NDEL1: variants seen among roughly 807,000 people sequenced by gnomAD.
NDEL1 encodes nuclear distribution protein nudE-like 1.
A neutral mutation model predicts 45.7 loss-of-function variants in NDEL1; 9 were observed. The observed-to-expected ratio is 0.20, with a 90% CI of 0.12 to 0.34. NDEL1 has a LOEUF of 0.34. Among genes scored for constraint, NDEL1 ranks in the 10% least tolerant of loss-of-function variants. The pLI is 1.00. For synonymous variants in NDEL1, 133 were observed against 158.6 expected (o/e 0.84, Z 1.21); for missense variants, 306 against 406.2 (o/e 0.75, Z 2.12).
chr17:8,464,807 C>T (rs1911468029), intron 8 of NDEL1: 1 of 152,532 alleles, frequency 6.6e-6, no homozygotes, highest in African/African-American at 2.4e-5. Flanking sequence ...CAGTGGCTCA[C>T]TAGGTGAGCC....
chr17:8,454,202 T>G (rs768369399), intron 6 of NDEL1, among the ~76,000 whole-genome samples: 2 of 152,124 alleles, frequency 1.3e-5, no homozygotes, highest in African/African-American at 2.4e-5. Context: ...CGCTGAGAGA[T>G]AGAACATCTA....
chr17:8,444,141 G>T, intron 1 of NDEL1, 119 bp from the exon 2 acceptor site: 1 of 638,498 alleles, frequency 1.6e-6, no homozygotes, highest in East Asian at 2.8e-5. Context: ...TTAACCACTG[G>T]AATCTCTCAT....
intron 8 of NDEL1, chr17:8,464,780 G>A (rs2151742705): frequency 6.6e-6 from 1 of 152,568 alleles, no homozygotes; most frequent in South Asian, 2.1e-4. Context: ...AGGCAGCTGT[G>A]GCCCCGACTT....
intron 5 of NDEL1, among the ~76,000 whole-genome samples, chr17:8,450,238 G>A (rs923645478): frequency 2.0e-5 from 3 of 149,882 alleles, no homozygotes; most frequent in African/African-American, 4.9e-5. Flanking sequence ...GCAGTGAGCC[G>A]AGATTGCGTC....
intron 5 of NDEL1, among the ~76,000 whole-genome samples, chr17:8,449,689 T>C (rs1910343592): frequency 6.6e-6 from 1 of 152,238 alleles, no homozygotes; most frequent in Admixed American, 6.5e-5. Context: ...CCTCAAGGTT[T>C]ATCCATGTGT....
intron 1 of NDEL1, among the ~76,000 whole-genome samples, chr17:8,420,268 G>A (rs1030057818): frequency 6.6e-6 from 1 of 152,192 alleles, no homozygotes; most frequent in Non-Finnish European, 1.5e-5. Context: ...TGTTTGTAAA[G>A]CACTTACGAG....
chr17:8,468,471 A>T (rs990046695), downstream of NDEL1, among the ~76,000 whole-genome samples: 3 of 152,272 alleles, frequency 2.0e-5, no homozygotes, highest in African/African-American at 7.2e-5. Context: ...AGTAACTGGG[A>T]TGGATCCGGG....
At chr17:8,429,165 G>A (rs888317451) in intron 1 of NDEL1, among the ~76,000 whole-genome samples, 3 of 152,094 alleles carry the variant, frequency 2.0e-5, no homozygotes, top group African/African-American at 7.2e-5. Context: ...TCATACCAGC[G>A]AAAATCTCTG....
In NDEL1 at chr17:8,443,972, A is replaced by G. The variant is rs144607559; in HGVS notation, c.-12-288A>G. On this transcript the variant is annotated intron_variant, in intron 1 of 8. Transcript: ENST00000334527. ...CAACTGCTGCAACTCTGTGTGCAGGATGATTCTGTGGGCCCAAGTCACCCA... is the reference window on the plus strand; with the variant it reads ...CAACTGCTGCAACTCTGTGTGCAGGGTGATTCTGTGGGCCCAAGTCACCCA... The G allele has an allele frequency of 2.8e-3, 714 of 254,616 alleles. 2 individuals carry two copies. Among genetic ancestry groups the G allele is most frequent in the African/African-American group, 0.015 (665 of 44,416 alleles). 15.8% of individuals were successfully genotyped at this position (254,616 alleles called of 1,614,324 possible).
chr17:8,424,491 G>C (rs1002680603), intron 1 of NDEL1, among the ~76,000 whole-genome samples: 1 of 152,060 alleles, frequency 6.6e-6, no homozygotes, highest in African/African-American at 2.4e-5. Flanking sequence ...TTTTTGTTTT[G>C]TTTTGTTGTT....
upstream of NDEL1, among the ~76,000 whole-genome samples, chr17:8,432,484 A>T (rs1389451820): frequency 6.6e-6 from 1 of 150,918 alleles, no homozygotes; most frequent in Non-Finnish European, 1.5e-5. Flanking sequence ...TCCCGGGTTC[A>T]TGCCATTCTC....
intron 1 of NDEL1, among the ~76,000 whole-genome samples, chr17:8,442,777 C>CTTTTTTTTTTTTTTTTT (rs34963430): frequency 3.6e-5 from 3 of 84,122 alleles, no homozygotes; most frequent in East Asian, 3.8e-4. Context: ...TATTTATTTA[C>CTTTTTTTTTTTTTTTTT]TTTTTTTTTT....
At chr17:8,424,564 C>T (rs551801029) in intron 1 of NDEL1, among the ~76,000 whole-genome samples, 7 of 152,344 alleles carry the variant, frequency 4.6e-5, no homozygotes, top group African/African-American at 1.4e-4. Context: ...CGCAGTGGCG[C>T]GATCTCAGCT....
chr17:8,447,192 G>C (rs1015012697), intron 4 of NDEL1, among the ~76,000 whole-genome samples: 2 of 152,186 alleles, frequency 1.3e-5, no homozygotes, highest in African/African-American at 4.8e-5. Flanking sequence ...GCCCAGTCTG[G>C]AGTGCAGTGG....
At chr17:8,438,275 A>G (rs551678916) in intron 1 of NDEL1, among the ~76,000 whole-genome samples, 2 of 152,290 alleles carry the variant, frequency 1.3e-5, no homozygotes, top group East Asian at 1.9e-4. Flanking sequence ...ATAATTATCT[A>G]TCTTCATTCT....
At position 8,445,691 on chromosome 17, in the gene NDEL1, C is replaced by A. The variant is rs370225941; in HGVS notation, c.87-20C>A. The A allele has an allele frequency of 6.3e-7, 1 of 1,585,940 alleles. No homozygotes were observed. Among genetic ancestry groups the A allele is most frequent in the African/African-American group, 1.4e-5 (1 of 72,862 alleles). On this transcript the variant is annotated intron_variant, in intron 2 of 8. Coordinates refer to ENST00000334527, the MANE Select transcript of NDEL1 (RefSeq NM_030808.5). ...GTGGTTCTTAGTGTAACTCGTCTTT[C>A]CCACTTTGTTTCTGATTAGCTTCCA...
chr17:8,437,483 G>T (rs1909427431), intron 1 of NDEL1, among the ~76,000 whole-genome samples: 1 of 152,042 alleles, frequency 6.6e-6, no homozygotes, highest in South Asian at 2.1e-4. Flanking sequence ...AACCATGCTG[G>T]GATAAATTTG....
intron 1 of NDEL1, among the ~76,000 whole-genome samples, chr17:8,427,390 T>G (rs1908864305): frequency 6.6e-6 from 1 of 151,930 alleles, no homozygotes; most frequent in Non-Finnish European, 1.5e-5. Context: ...CGGACATGAG[T>G]TGGTTACCAT....
rs1909371005 is a variant in NDEL1, at chr17:8,436,729, A to G, written c.-13+684A>G. 4 of 152,148 alleles carry G rather than the reference A, an allele frequency of 2.6e-5. No homozygotes were observed. The South Asian group carries it at 8.3e-4, about 31-fold the overall frequency. 9.4% of individuals were successfully genotyped at this position (152,148 alleles called of 1,614,324 possible). A position where few individuals can be genotyped will look rare whatever the true frequency, so the allele number is the denominator to read the frequency against. The stretch of plus-strand genomic sequence containing the variant: ...CTGTCACCACTGATTATTACCTTCT[A>G]TTTACGTAGCACCTTTACACGTTTC... On this transcript the variant is annotated intron_variant, in intron 1 of 8. Coordinates refer to ENST00000334527, the MANE Select transcript of NDEL1 (RefSeq NM_030808.5).
Sources: gnomAD v4.1 joint callset for allele counts (sites outside exome capture counted in the v4.1 genomes callset) on GRCh38, gnomAD v4.1.1 for gene constraint, MANE v1.5 for transcripts, NCBI Gene and HGNC (gene_info 2026-07-23, HGNC 2026-07-21) for gene names.